Variants in GPATCH2 observed in about 807,000 individuals in gnomAD.
GPATCH2 encodes G patch domain-containing protein 2.
In GPATCH2, 51 loss-of-function variants were observed where a neutral mutation model predicts 58.0. That is an observed-to-expected ratio of 0.88 (90% CI 0.70 to 1.11). GPATCH2 has a LOEUF of 1.11. GPATCH2 is among the 50% of genes most tolerant of loss of function. GPATCH2 has a pLI of 0.00. For synonymous variants in GPATCH2, 222 were observed against 218.5 expected, an observed-to-expected ratio of 1.02 and a Z score of -0.14; for missense variants, 625 against 652.2, an observed-to-expected ratio of 0.96 and a Z score of 0.45.
rs566812675 is a variant in GPATCH2 at position 217,523,346 on chromosome 1, G to A, written c.1099-8457C>T. Among the ~76,000 whole-genome samples, 24 of 151,546 alleles carry A rather than the reference G, an allele frequency of 1.6e-4. 1 individual carries two copies. The highest frequency in any genetic ancestry group is 2.2e-4 in the Non-Finnish European group (15 of 68,018). ...CCTTCCGCAGTGTTTGTGTCCCTGG[G>A]TACTTGAGATTAGGGAGTGGTGATG... On this transcript the variant is annotated intron_variant, in intron 5 of 9. Transcript: ENST00000366935.
intron 8 of GPATCH2, among the ~76,000 whole-genome samples, chr1:217,472,900 C>G (rs545442532): frequency 2.6e-4 from 39 of 152,248 alleles, no homozygotes; most frequent in African/African-American, 9.4e-4. Flanking sequence ...TGGCATTGTC[C>G]TAGTCCCCCC....
At chr1:217,434,616 T>C (rs1295609354) in intron 9 of GPATCH2, among the ~76,000 whole-genome samples, 4 of 152,214 alleles carry the variant, frequency 2.6e-5, no homozygotes, top group African/African-American at 7.2e-5. Flanking sequence ...ACATTTTTGA[T>C]AGGATAGCTT....
intron 5 of GPATCH2, among the ~76,000 whole-genome samples, chr1:217,571,785 T>C (rs1194338206): frequency 1.3e-5 from 2 of 150,092 alleles, no homozygotes; most frequent in Admixed American, 6.6e-5. Flanking sequence ...CCCAGCTACT[T>C]GGAAGGCTGA....
intron 5 of GPATCH2, among the ~76,000 whole-genome samples, chr1:217,571,718 AAAC>A (rs1404313797): frequency 1.3e-5 from 2 of 148,212 alleles, no homozygotes; most frequent in African/African-American, 2.5e-5. Flanking sequence ...AAAAAAAAAA[AAAC>A]AAAAAAGAAG....
chr1:217,597,759 C>A lies in GPATCH2; in HGVS notation c.1098+12562G>T, dbSNP rs189532129. Among the ~76,000 whole-genome samples the A allele has an allele frequency of 6.2e-4, 95 of 152,224 alleles. 1 individual carries two copies. The highest frequency in any genetic ancestry group is 2.0e-3 in the African/African-American group (82 of 41,548). On this transcript the variant is annotated intron_variant, in intron 5 of 9. Transcript: ENST00000366935. Reference sequence around the variant, plus strand: ...GAATGCTCCCTGTCCTTGTTTATAACAAGAATGTTGGCTAGTGGACTCCAT... The same window carrying A: ...GAATGCTCCCTGTCCTTGTTTATAAAAAGAATGTTGGCTAGTGGACTCCAT...
chr1:217,556,928 C>T (rs981994500), intron 5 of GPATCH2, among the ~76,000 whole-genome samples: 1 of 152,210 alleles, frequency 6.6e-6, no homozygotes, highest in African/African-American at 2.4e-5. Context: ...ATTACAGTTT[C>T]CTACTTTCTA....
intron 2 of GPATCH2, among the ~76,000 whole-genome samples, chr1:217,618,963 GAA>G (rs139260019): frequency 2.9e-5 from 4 of 138,088 alleles, no homozygotes; most frequent in Admixed American, 7.4e-5. Context: ...TCTCTATCTC[GAA>G]AAAAAAAAAA....
At chr1:217,460,121 A>G (rs1660137357) in intron 8 of GPATCH2, among the ~76,000 whole-genome samples, 1 of 152,222 alleles carries the variant, frequency 6.6e-6, no homozygotes, top group African/African-American at 2.4e-5. Flanking sequence ...AAAAGGTATT[A>G]TGCCAGTAAT....
At chr1:217,431,888 C>T (rs1658554694) in intron 9 of GPATCH2, among the ~76,000 whole-genome samples, 1 of 152,120 alleles carries the variant, frequency 6.6e-6, no homozygotes, top group African/African-American at 2.4e-5. Flanking sequence ...TCTTGAATTC[C>T]TAGGAATTTA....
At chr1:217,523,377 T>C (rs1381628334) in intron 5 of GPATCH2, among the ~76,000 whole-genome samples, 1 of 151,536 alleles carries the variant, frequency 6.6e-6, no homozygotes, top group African/African-American at 2.4e-5. Context: ...TGATGACTCT[T>C]AACGAGCATG....
chr1:217,505,830 T>C (rs1192420216), intron 6 of GPATCH2, among the ~76,000 whole-genome samples: 2 of 152,204 alleles, frequency 1.3e-5, no homozygotes, highest in Admixed American at 6.5e-5. Flanking sequence ...TTTATTTTTA[T>C]TTATTTTTTT....
chr1:217,436,431 A>G (rs1246603877), intron 9 of GPATCH2, among the ~76,000 whole-genome samples: 1 of 152,238 alleles, frequency 6.6e-6, no homozygotes, highest in Non-Finnish European at 1.5e-5. Flanking sequence ...TGAGTAAGCT[A>G]GGATTCAAAC....
chr1:217,548,869 T>A (rs1665207013), intron 5 of GPATCH2, among the ~76,000 whole-genome samples: 1 of 152,176 alleles, frequency 6.6e-6, no homozygotes, highest in Non-Finnish European at 1.5e-5. Context: ...CCCAGCAATG[T>A]GGAACTGTGA....
At chr1:217,479,985 A>G (rs1410176747) in intron 8 of GPATCH2, among the ~76,000 whole-genome samples, 1 of 151,756 alleles carries the variant, frequency 6.6e-6, no homozygotes, top group Non-Finnish European at 1.5e-5. Context: ...TATATGCACC[A>G]ACACTGGAGG....
chr1:217,598,107 T>A (rs1288945994), intron 5 of GPATCH2, among the ~76,000 whole-genome samples: 5 of 152,138 alleles, frequency 3.3e-5, no homozygotes, highest in Non-Finnish European at 5.9e-5. Flanking sequence ...ATAGGGTCGG[T>A]GGGCGCAGTG....
chr1:217,570,701 G>C (rs1468902513), intron 5 of GPATCH2, among the ~76,000 whole-genome samples: 2 of 152,142 alleles, frequency 1.3e-5, no homozygotes, highest in Admixed American at 1.3e-4. Flanking sequence ...TTATTAAACA[G>C]TTTATGAAGA....
chr1:217,457,708 T>C (rs910030175), intron 8 of GPATCH2, among the ~76,000 whole-genome samples: 10 of 152,192 alleles, frequency 6.6e-5, no homozygotes, highest in Admixed American at 6.5e-5. Context: ...GAAAAAATCA[T>C]GTAGGCATTT....
chr1:217,598,551 C>A (rs892148847), intron 5 of GPATCH2, among the ~76,000 whole-genome samples: 32 of 152,006 alleles, frequency 2.1e-4, no homozygotes, highest in African/African-American at 7.5e-4. Context: ...CTCCTGGGTT[C>A]AAGCAATTCT....
chr1:217,489,363 T>C (rs1364131891), intron 8 of GPATCH2, among the ~76,000 whole-genome samples: 1 of 152,020 alleles, frequency 6.6e-6, no homozygotes, highest in African/African-American at 2.4e-5. Context: ...TACCAATGAA[T>C]ACTTAATGTA....
Sources: allele counts gnomAD v4.1 joint callset (sites outside exome capture counted in the v4.1 genomes callset), GRCh38; gene constraint gnomAD v4.1.1; transcripts MANE v1.5; gene names NCBI Gene and HGNC (gene_info 2026-07-23, HGNC 2026-07-21).